Variants in RNF103 observed in about 807,000 individuals in gnomAD.
The protein encoded by RNF103 is E3 ubiquitin-protein ligase RNF103.
A neutral mutation model predicts 66.2 loss-of-function variants in RNF103; 23 were observed. The ratio of observed to expected loss-of-function variants is 0.35; its 90% CI spans 0.25 to 0.49. The LOEUF is 0.49. Among genes scored for constraint, RNF103 ranks in the 20% least tolerant of loss-of-function variants. The pLI, the probability that RNF103 is intolerant of heterozygous loss-of-function variation, is 0.98. For missense variants in RNF103, 730 were observed against 814.7 expected, an observed-to-expected ratio of 0.90 and a Z score of 1.27; for synonymous variants, 297 against 289.9, an observed-to-expected ratio of 1.02 and a Z score of -0.25.
chr2:86,610,327 T>G (rs892152602), intron 3 of RNF103, among the ~76,000 whole-genome samples: 1 of 152,238 alleles, frequency 6.6e-6, no homozygotes, highest in African/African-American at 2.4e-5. Flanking sequence ...CTAGCTTGTA[T>G]GTATCTCTTC....
intron 2 of RNF103, among the ~76,000 whole-genome samples, chr2:86,619,925 C>A (rs1313882760): frequency 6.6e-6 from 1 of 152,116 alleles, no homozygotes; most frequent in Non-Finnish European, 1.5e-5. Context: ...TTTACTTTTA[C>A]TTTAGGGTTC....
intron 3 of RNF103, among the ~76,000 whole-genome samples, chr2:86,608,149 T>C (rs1573354773): frequency 6.6e-6 from 1 of 152,190 alleles, no homozygotes; most frequent in Admixed American, 6.5e-5. Flanking sequence ...ATAGGAAATA[T>C]GCCTTGTGAG....
chr2:86,621,413 G>C (rs979650127), intron 1 of RNF103, among the ~76,000 whole-genome samples: 1 of 152,154 alleles, frequency 6.6e-6, no homozygotes, highest in Non-Finnish European at 1.5e-5. Flanking sequence ...ATTTATTAGA[G>C]ATCTTTTACC....
Position 86,623,321 on chromosome 2 carries a change from G to A in RNF103, c.-435C>T. 2.0e-6 allele frequency: 2 copies of A among 986,644 alleles called. No individual in the cohort carries two copies. Among genetic ancestry groups the A allele is most frequent in the African/African-American group, 1.7e-5 (1 of 57,244 alleles). 61.1% of individuals were successfully genotyped at this position (986,644 alleles called of 1,614,324 possible). A position where few individuals can be genotyped will look rare whatever the true frequency, so the allele number is the denominator to read the frequency against. ...GAGGGGGAGACCAAAAAATAACTCA[G>A]ATCCGCCCAGGAGGCGGGGATCCGG... On this transcript the variant is annotated 5_prime_UTR_variant, in exon 1 of 4. Coordinates refer to ENST00000237455, the MANE Select transcript of RNF103 (RefSeq NM_005667.4).
chr2:86,621,322 A>T (rs1035007491), intron 1 of RNF103, among the ~76,000 whole-genome samples: 3 of 152,164 alleles, frequency 2.0e-5, no homozygotes, highest in Non-Finnish European at 4.4e-5. Context: ...AGAAAAAAAA[A>T]TGTGTGACCA....
At chr2:86,615,123 G>A in intron 2 of RNF103, 1 of 985,408 alleles carries the variant, frequency 1.0e-6, no homozygotes, top group Non-Finnish European at 1.2e-6. Flanking sequence ...AGCAGAGATA[G>A]TAGAAGTGAG....
In RNF103 at chr2:86,604,930, T is replaced by C. The variant is rs762137122; in HGVS notation, c.971A>G (p.Asn324Ser). Residue 324 changes from asparagine (N) to serine (S), a missense_variant, in exon 4 of 4, where the codon AAT (asparagine) becomes AGT (serine). By Grantham distance (46) the Asn-to-Ser change is conservative. Around this residue, in one of 3 missense-constraint regions of RNF103, gnomAD observed 48 missense variants for 93.0 expected, o/e 0.52. Transcript: ENST00000237455. ...AACCAAGCTCAAAACAAACAGATCATTTACCTCGGGTTGTAATGAGCGCAA... is the reference window on the plus strand; with the variant it reads ...AACCAAGCTCAAAACAAACAGATCACTTACCTCGGGTTGTAATGAGCGCAA... ...SFLRSLQPEV[N>S]DLFVLSLVLV... 5 of 1,613,972 alleles carry C rather than the reference T, an allele frequency of 3.1e-6. No individual in the cohort carries two copies. The highest frequency in any genetic ancestry group is 1.3e-5 in the African/African-American group (1 of 74,892).
intron 2 of RNF103, chr2:86,616,432 G>A: frequency 1.2e-6 from 1 of 863,092 alleles, no homozygotes; most frequent in Non-Finnish European, 1.4e-6. Context: ...AAAAAACAGT[G>A]GTCTTTTAAT....
Position 86,604,714 on chromosome 2 carries a change from T to C in RNF103, c.1187A>G (p.Tyr396Cys). 6.2e-7 allele frequency: 1 copy of C among 1,614,158 alleles called. No homozygotes were observed. The highest frequency in any genetic ancestry group is 8.5e-7 in the Non-Finnish European group (1 of 1,180,020). The change falls in exon 4 of 4, where the codon TAT becomes TGT. Residue 396 changes from tyrosine (Y) to cysteine (C), a missense_variant. Transcript: ENST00000237455. ...FYEYSLKLLRYSNTTTLASWV... is the reference protein window; with the variant it reads ...FYEYSLKLLRCSNTTTLASWV... Reference sequence around the variant, plus strand: ...TGAAGCCAGTGTGGTTGTATTGGAATATCTCAACAATTTTAAGCTATATTC... The same window carrying C: ...TGAAGCCAGTGTGGTTGTATTGGAACATCTCAACAATTTTAAGCTATATTC...
intron 2 of RNF103, chr2:86,616,848 A>T: frequency 1.0e-6 from 1 of 985,440 alleles, no homozygotes; most frequent in Non-Finnish European, 1.2e-6. Context: ...TAAATCCATA[A>T]AACCCATAAA....
rs764506626 is a variant in RNF103 at position 86,605,363 on chromosome 2, T to G, written c.538A>C (p.Thr180Pro). Residue 180 changes from threonine to proline, a missense_variant, in exon 4 of 4, where the codon ACA (threonine) becomes CCA (proline). Physicochemically the swap from Thr to Pro is conservative, Grantham distance 38 (BLOSUM62 -1). This residue lies in a region of RNF103 where 327 missense variants were observed against 369.8 expected (regional missense o/e 0.88). Transcript: ENST00000237455. ...ATGACTTTCCCTTTTGAAGTACTTG[T>G]TTGTGGAACAGACATAATGAGTGTG... is the stretch of plus-strand genomic sequence containing the variant. ...RSTLIMSVPQ[T>P]STSKGKVMLK... The G allele has an allele frequency of 6.2e-7, 1 of 1,614,170 alleles. No homozygotes were observed. Among genetic ancestry groups the G allele is most frequent in the Admixed American group, 1.7e-5 (1 of 60,020 alleles).
At position 86,623,626 on chromosome 2, in the gene RNF103, G is replaced by T; in HGVS notation, c.-740C>A. On this transcript the variant is annotated 5_prime_UTR_variant, in exon 1 of 4. Coordinates refer to ENST00000237455, the MANE Select transcript of RNF103 (RefSeq NM_005667.4). ...GGGCACTGCGGCCCGGCCCAGGATGGGGCGTCGCGGTCTCTGCAGATGGAA... is the reference window on the plus strand; with the variant it reads ...GGGCACTGCGGCCCGGCCCAGGATGTGGCGTCGCGGTCTCTGCAGATGGAA... 9.1e-7 allele frequency: 1 copy of T among 1,094,050 alleles called. No homozygotes were observed. Among genetic ancestry groups the T allele is most frequent in the Non-Finnish European group, 1.1e-6 (1 of 892,026 alleles). 67.8% of individuals were successfully genotyped at this position (1,094,050 alleles called of 1,614,324 possible). A position where few individuals can be genotyped will look rare whatever the true frequency, so the allele number is the denominator to read the frequency against.
chr2:86,606,938 T>C lies in RNF103; in HGVS notation c.483-1520A>G, dbSNP rs139067813. On this transcript the variant is annotated intron_variant, in intron 3 of 3. Coordinates refer to ENST00000237455, the MANE Select transcript of RNF103 (RefSeq NM_005667.4). The stretch of plus-strand genomic sequence containing the variant: ...GGACCACATATGCACGCCACCATGC[T>C]AGGCTAAGTTTTAAAAGAATTTTTT... 5.9e-3 allele frequency among the ~76,000 whole-genome samples: 898 copies of C among 152,094 alleles called. 7 individuals are homozygous for C. The highest frequency in any genetic ancestry group is 0.021 in the African/African-American group (869 of 41,510).
chr2:86,622,857 G>C lies in RNF103; in HGVS notation c.30C>G (p.Leu10=), dbSNP rs201333698. ...CCAGGACGAACAGGACCAGGAAATA[G>C]AGGAGCAAGAAAAAAAGCTTCAGCC... MWLKLFFLL[L]YFLVLFVLAR... is the part of the protein sequence containing the mutation. Residue 10 remains leucine, a synonymous_variant, in exon 1 of 4, where the codon CTC becomes CTG. Coordinates refer to ENST00000237455, the MANE Select transcript of RNF103 (RefSeq NM_005667.4). The C allele has an allele frequency of 1.4e-5, 22 of 1,612,530 alleles. No individual in the cohort carries two copies. In the East Asian group the frequency reaches 4.2e-4, roughly 31 times the overall value.
In RNF103 at chr2:86,622,921, G is replaced by C; in HGVS notation, c.-35C>G. 1.9e-6 allele frequency: 3 copies of C among 1,556,048 alleles called. No homozygotes were observed. The highest frequency in any genetic ancestry group is 2.6e-6 in the Non-Finnish European group (3 of 1,150,002). ...AGTTTCCTCTCTTTCCAGAGAGCTC[G>C]GAATACGGGAGAGAGAAGGGTCGAG... On this transcript the variant is annotated 5_prime_UTR_variant, in exon 1 of 4. Coordinates refer to ENST00000237455, the MANE Select transcript of RNF103 (RefSeq NM_005667.4).
At chr2:86,614,099 T>C (rs1678914654) in intron 2 of RNF103, 1 of 152,070 alleles carries the variant, frequency 6.6e-6, no homozygotes, top group African/African-American at 2.4e-5. Flanking sequence ...CAACCATGGT[T>C]TTGATAGTAC....
rs375117634 is a variant in RNF103 at position 86,612,115 on chromosome 2, T to C, written c.482+44A>G. ...CATTGCCCTTTTTAAATAAGAAAGA[T>C]CCTGGTCAGGACTCAAATTCTAAGA... On this transcript the variant is annotated intron_variant, in intron 3 of 3. Transcript: ENST00000237455. 5 of 1,282,002 alleles carry C rather than the reference T, an allele frequency of 3.9e-6. No individual in the cohort carries two copies. In the African/African-American group the frequency reaches 7.4e-5, roughly 19 times the overall value. 79.4% of individuals were successfully genotyped at this position (1,282,002 alleles called of 1,614,324 possible).
Position 86,604,679 on chromosome 2 carries a change from C to A in RNF103, c.1222G>T (p.Ala408Ser). The change falls in exon 4 of 4, where the codon GCA (alanine) becomes TCA (serine). Residue 408 changes from alanine (A) to serine (S), a missense_variant. Ala to Ser is a moderately conservative substitution (Grantham distance 99). Transcript: ENST00000237455. ...NTTTLASWVR[A>S]DWMFYSSHPA... ...TGTGAAGAGTAAAACATCCAGTCTG[C>A]CCTTACCCATGAAGCCAGTGTGGTT... The A allele has an allele frequency of 6.2e-7, 1 of 1,614,162 alleles. No individual in the cohort carries two copies.
chr2:86,617,701 A>T (rs1262273874), intron 2 of RNF103: 2 of 993,220 alleles, frequency 2.0e-6, no homozygotes, highest in Non-Finnish European at 2.4e-6. Context: ...ATAGATTAAT[A>T]TATATGATCT....
Sources: gnomAD v4.1 joint callset for allele counts (sites outside exome capture counted in the v4.1 genomes callset) on GRCh38, gnomAD v4.1.1 for gene constraint, gnomAD v4.1.1 regional missense constraint, MANE v1.5 for transcripts, NCBI Gene and HGNC (gene_info 2026-07-23, HGNC 2026-07-21) for gene names.